Variants in MAD1L1 observed in about 807,000 individuals in gnomAD.
The protein encoded by MAD1L1 is mitotic spindle assembly checkpoint protein MAD1.
In MAD1L1, 95 loss-of-function variants were observed where a neutral mutation model predicts 96.9. The observed-to-expected ratio is 0.98, with a 90% CI of 0.83 to 1.16. The LOEUF is 1.16. MAD1L1 is among the 50% of genes most tolerant of loss of function. The pLI, the probability that MAD1L1 is intolerant of heterozygous loss-of-function variation, is 0.00. For missense variants in MAD1L1, 1,007 were observed against 954.4 expected, an observed-to-expected ratio of 1.06 and a Z score of -0.73; for synonymous variants, 473 against 396.6, an observed-to-expected ratio of 1.19 and a Z score of -2.29.
intron 18 of MAD1L1, among the ~76,000 whole-genome samples, chr7:1,857,602 T>C (rs2128645090): frequency 6.6e-6 from 1 of 152,228 alleles, no homozygotes; most frequent in Middle Eastern, 3.4e-3. Flanking sequence ...GGCCCGAGGA[T>C]GAGCCCCTGG....
At chr7:2,062,241 CA>C (rs1211341652) in intron 12 of MAD1L1, among the ~76,000 whole-genome samples, 1 of 96,986 alleles carries the variant, frequency 1.0e-5, no homozygotes, top group East Asian at 3.2e-4. Context: ...GACTCCATTT[CA>C]AAAAACAGCA....
At chr7:1,976,303 G>A (rs1251280446) in intron 15 of MAD1L1, among the ~76,000 whole-genome samples, 5 of 152,224 alleles carry the variant, frequency 3.3e-5, no homozygotes, top group African/African-American at 1.2e-4. Flanking sequence ...TGGTGTGTCT[G>A]GAGTTTGTTC....
chr7:1,915,180 G>A (rs1463780378), intron 17 of MAD1L1, among the ~76,000 whole-genome samples: 1 of 152,198 alleles, frequency 6.6e-6, no homozygotes, highest in Non-Finnish European at 1.5e-5. Flanking sequence ...AGGACACAGT[G>A]TGTATGGAGA....
At chr7:2,161,757 AC>A (rs1349815056) in intron 10 of MAD1L1, among the ~76,000 whole-genome samples, 2 of 135,316 alleles carry the variant, frequency 1.5e-5, no homozygotes, top group Non-Finnish European at 3.1e-5. Flanking sequence ...CCTGGCCGCG[AC>A]CCCATCTGGG....
intron 12 of MAD1L1, among the ~76,000 whole-genome samples, chr7:2,019,356 G>C (rs1017753148): frequency 8.5e-5 from 13 of 152,226 alleles, no homozygotes; most frequent in African/African-American, 2.7e-4. Context: ...GGGGCCCATC[G>C]AGAACATGAT....
chr7:1,915,855 A>G (rs913162772), intron 17 of MAD1L1, among the ~76,000 whole-genome samples: 9 of 152,234 alleles, frequency 5.9e-5, no homozygotes, highest in Non-Finnish European at 1.0e-4. Context: ...TGGGGTCAGC[A>G]GGGAATTCTT....
intron 16 of MAD1L1, among the ~76,000 whole-genome samples, chr7:1,956,813 C>G (rs1779748248): frequency 6.6e-6 from 1 of 152,274 alleles, no homozygotes; most frequent in Admixed American, 6.5e-5. Flanking sequence ...ACACCCCTCA[C>G]CTCATTCAAG....
At chr7:2,179,155 G>T (rs1485737503) in intron 10 of MAD1L1, among the ~76,000 whole-genome samples, 1 of 152,174 alleles carries the variant, frequency 6.6e-6, no homozygotes, top group Non-Finnish European at 1.5e-5. Context: ...AAAATCAGGT[G>T]GCTCTCAAGA....
At chr7:2,136,374 C>T (rs10251411) in intron 11 of MAD1L1, among the ~76,000 whole-genome samples, 2 of 152,070 alleles carry the variant, frequency 1.3e-5, no homozygotes, top group South Asian at 2.1e-4. Context: ...TGGGGCAAAG[C>T]GAGAGGCTCC....
At position 2,108,863 on chromosome 7, in the gene MAD1L1, G is replaced by A. The variant is rs185201063; in HGVS notation, c.1074-39525C>T. ...CCAGGTGGCCTCCAGGAGCCGGCCC[G>A]ATCCACGATCAGTTCCATCCCTTCT... On this transcript the variant is annotated intron_variant, in intron 11 of 18. Transcript: ENST00000265854. Among the ~76,000 whole-genome samples, 5 of 152,354 alleles carry A rather than the reference G, an allele frequency of 3.3e-5. No homozygotes were observed. The East Asian group carries it at 5.8e-4, about 18-fold the overall frequency.
intron 15 of MAD1L1, among the ~76,000 whole-genome samples, chr7:1,974,653 T>G (rs911826969): frequency 6.6e-6 from 1 of 152,074 alleles, no homozygotes; most frequent in African/African-American, 2.4e-5. Context: ...GAGAGAAAAC[T>G]ATTCGAAAAT....
intron 18 of MAD1L1, among the ~76,000 whole-genome samples, chr7:1,825,604 C>G (rs1021965002): frequency 1.3e-5 from 2 of 152,250 alleles, no homozygotes; most frequent in African/African-American, 4.8e-5. Context: ...TGGGGCACAG[C>G]TCTGTCCACG....
At chr7:1,942,129 G>A (rs976045805) in intron 16 of MAD1L1, among the ~76,000 whole-genome samples, 4 of 152,180 alleles carry the variant, frequency 2.6e-5, no homozygotes, top group Non-Finnish European at 5.9e-5. Flanking sequence ...CTGTCCATCT[G>A]ACATGATTTC....
At chr7:2,232,324 C>T (rs1409416401) in intron 1 of MAD1L1, among the ~76,000 whole-genome samples, 4 of 152,264 alleles carry the variant, frequency 2.6e-5, no homozygotes, top group Admixed American at 2.0e-4. Context: ...GGAGGCTCCA[C>T]AGCCCAATTC....
At chr7:2,016,406 G>A (rs761103184) in intron 12 of MAD1L1, among the ~76,000 whole-genome samples, 1 of 152,198 alleles carries the variant, frequency 6.6e-6, no homozygotes, top group African/African-American at 2.4e-5. Flanking sequence ...TGGGGAGCAA[G>A]ACCCCCACCC....
At chr7:1,886,679 G>A (rs1033610951) in intron 18 of MAD1L1, among the ~76,000 whole-genome samples, 2 of 152,268 alleles carry the variant, frequency 1.3e-5, no homozygotes, top group Admixed American at 1.3e-4. Context: ...CTGGCAGGAA[G>A]GAAGGCCTGA....
chr7:2,097,393 G>A (rs1274500485), intron 11 of MAD1L1, among the ~76,000 whole-genome samples: 3 of 152,196 alleles, frequency 2.0e-5, no homozygotes, highest in South Asian at 2.1e-4. Context: ...CAGCGAGGAC[G>A]TGGGGGCCAG....
intron 18 of MAD1L1, among the ~76,000 whole-genome samples, chr7:1,892,258 G>GC (rs1786593088): frequency 6.6e-6 from 1 of 152,190 alleles, no homozygotes; most frequent in Non-Finnish European, 1.5e-5. Context: ...GCGGGAGGCT[G>GC]CACGGCCCAG....
At chr7:2,212,684 A>G (rs1470540239) in intron 10 of MAD1L1, among the ~76,000 whole-genome samples, 3 of 152,114 alleles carry the variant, frequency 2.0e-5, no homozygotes, top group Non-Finnish European at 2.9e-5. Flanking sequence ...CCAGAAGCCG[A>G]GCAGATGCCA....
Sources: gnomAD v4.1 joint callset for allele counts (sites outside exome capture counted in the v4.1 genomes callset) on GRCh38, gnomAD v4.1.1 for gene constraint, MANE v1.5 for transcripts, NCBI Gene and HGNC (gene_info 2026-07-23, HGNC 2026-07-21) for gene names.